TMEM132D: variants seen among roughly 807,000 people sequenced by gnomAD.
The protein encoded by TMEM132D is mature OL transmembrane protein.
A neutral mutation model predicts 62.3 loss-of-function variants in TMEM132D; 21 were observed. The ratio of observed to expected loss-of-function variants is 0.34; its 90% CI spans 0.24 to 0.49. The LOEUF is 0.49. Among genes scored for constraint, TMEM132D ranks in the 20% least tolerant of loss-of-function variants. The probability of loss-of-function intolerance (pLI) is 0.99; values close to 1 mark genes in which losing one functional copy is unlikely to be tolerated. For missense variants in TMEM132D, 1,346 were observed against 1,402.8 expected (o/e 0.96, Z 0.65); for synonymous variants, 621 against 575.6 (o/e 1.08, Z -1.13).
chr12:129,347,769 A>T (rs1869732738), intron 3 of TMEM132D, among the ~76,000 whole-genome samples: 1 of 152,252 alleles, frequency 6.6e-6, no homozygotes, highest in African/African-American at 2.4e-5. Flanking sequence ...TAGAGTGAAC[A>T]GGCAACCTAC....
At chr12:129,369,272 G>A (rs1020018353) in intron 3 of TMEM132D, among the ~76,000 whole-genome samples, 2 of 152,160 alleles carry the variant, frequency 1.3e-5, no homozygotes, top group Admixed American at 6.5e-5. Context: ...TGTCTTCCAC[G>A]ACAGAAGGTG....
intron 2 of TMEM132D, among the ~76,000 whole-genome samples, chr12:129,596,809 C>T (rs1878349892): frequency 1.3e-5 from 2 of 151,894 alleles, no homozygotes; most frequent in Non-Finnish European, 2.9e-5. Flanking sequence ...TACCCATCAC[C>T]CCATCCACCC....
At chr12:129,829,252 G>A (rs1205140157) in intron 1 of TMEM132D, among the ~76,000 whole-genome samples, 3 of 152,088 alleles carry the variant, frequency 2.0e-5, no homozygotes, top group South Asian at 2.1e-4. Flanking sequence ...AATAATCGTG[G>A]TTATTATAGA....
chr12:129,402,863 C>A (rs111885053), intron 3 of TMEM132D, among the ~76,000 whole-genome samples: 1,736 of 146,602 alleles, frequency 0.012, 11 homozygotes, highest in South Asian at 0.015. Flanking sequence ...CCATCTGCAG[C>A]AATGGAAGAG....
rs74684944 is a variant in TMEM132D at position 129,176,979 on chromosome 12, G to A, written c.1443+32541C>T. On this transcript the variant is annotated intron_variant, in intron 5 of 8. Coordinates refer to ENST00000422113, the MANE Select transcript of TMEM132D (RefSeq NM_133448.3). ...AACACAGCCAGGACTGCCCCCAGCC[G>A]TCTTGACCGCGCTTCAGGCTGAGAA... Among the ~76,000 whole-genome samples, 509 of 152,342 alleles carry A rather than the reference G, an allele frequency of 3.3e-3. 5 individuals are homozygous for A. Among genetic ancestry groups the A allele is most frequent in the Non-Finnish European group, 6.0e-3 (408 of 68,030 alleles).
chr12:129,743,222 A>C (rs755811096), intron 1 of TMEM132D, among the ~76,000 whole-genome samples: 1 of 152,206 alleles, frequency 6.6e-6, no homozygotes. Context: ...GGCAAATGGA[A>C]TAATACTTCC....
chr12:129,816,452 T>TA, intron 1 of TMEM132D, among the ~76,000 whole-genome samples: 1 of 152,184 alleles, frequency 6.6e-6, no homozygotes, highest in Non-Finnish European at 1.5e-5. Context: ...ACTCTGGGCC[T>TA]ATTTATTGCA....
At chr12:129,587,060 C>T (rs1205912408) in intron 2 of TMEM132D, among the ~76,000 whole-genome samples, 1 of 152,106 alleles carries the variant, frequency 6.6e-6, no homozygotes, top group African/African-American at 2.4e-5. Flanking sequence ...GTAAAAATAG[C>T]ATGTGCATAG....
intron 1 of TMEM132D, among the ~76,000 whole-genome samples, chr12:129,769,261 G>T (rs1870650703): frequency 6.6e-6 from 1 of 152,172 alleles, no homozygotes; most frequent in Non-Finnish European, 1.5e-5. Flanking sequence ...ACGACTCACA[G>T]TTCCACATGG....
In TMEM132D at chr12:129,760,323, C is replaced by CTTTTTTTTTTTTT. The variant is rs71082753; in HGVS notation, c.80-59638_80-59626dup. Among the ~76,000 whole-genome samples the CTTTTTTTTTTTTT allele has an allele frequency of 4.0e-4, 46 of 115,504 alleles. 2 individuals carry two copies. Among genetic ancestry groups the CTTTTTTTTTTTTT allele is most frequent in the African/African-American group, 1.6e-3 (43 of 27,670 alleles). 75.8% of individuals were successfully genotyped at this position (115,504 alleles called of 152,430 possible). On this transcript the variant is annotated intron_variant, in intron 1 of 8. Coordinates refer to ENST00000422113, the MANE Select transcript of TMEM132D (RefSeq NM_133448.3). ...AGACAGAAATGATGTAAGCCACTTT[C>CTTTTTTTTTTTTT]TTTTTTTTTTTTTTTTTTTTTTTTT...
intron 3 of TMEM132D, among the ~76,000 whole-genome samples, chr12:129,484,247 C>T (rs139981164): frequency 7.2e-4 from 109 of 152,222 alleles, no homozygotes; most frequent in Admixed American, 2.2e-3. Flanking sequence ...TGGGAGTCAA[C>T]GTGAGTCACC....
chr12:129,112,824 G>A (rs1409087859), intron 5 of TMEM132D, among the ~76,000 whole-genome samples: 1 of 152,132 alleles, frequency 6.6e-6, no homozygotes, highest in Non-Finnish European at 1.5e-5. Context: ...GGTGAACAGT[G>A]CTAGCTTAGA....
chr12:129,311,524 GC>G (rs1881976810), intron 4 of TMEM132D, among the ~76,000 whole-genome samples: 1 of 152,136 alleles, frequency 6.6e-6, no homozygotes, highest in Admixed American at 6.5e-5. Flanking sequence ...CAGTGGACAA[GC>G]TCCCTGTGTT....
At chr12:129,103,981 G>T (rs547376517) in intron 5 of TMEM132D, among the ~76,000 whole-genome samples, 3,179 of 152,166 alleles carry the variant, frequency 0.021, 112 homozygotes, top group African/African-American at 0.072. Context: ...GTAATTTACA[G>T]ATTCAATGCC....
chr12:129,699,951 T>G lies in TMEM132D; in HGVS notation c.827A>C (p.His276Pro), dbSNP rs1409108619. 6.2e-7 allele frequency: 1 copy of G among 1,614,122 alleles called. No homozygotes were observed. The highest frequency in any genetic ancestry group is 2.2e-5 in the East Asian group (1 of 44,872). ...RIGSIFLYQT[H>P]RKPSLRELRL... ...CAGTTCTCTCAGGGAGGGTTTCCTG[T>G]GTGTCTGATAAAGGAAGATGCTCCC... The change falls in exon 2 of 9, where the codon CAC (histidine) becomes CCC (proline). Residue 276 changes from histidine (H) to proline (P), a missense_variant. Transcript: ENST00000422113.
chr12:129,166,688 T>TACACAC (rs199938469), intron 5 of TMEM132D, among the ~76,000 whole-genome samples: 6 of 104,654 alleles, frequency 5.7e-5, no homozygotes, highest in East Asian at 3.8e-4. Flanking sequence ...TATATACACA[T>TACACAC]ACACACACAC....
chr12:129,673,852 T>C (rs967698617), intron 2 of TMEM132D, among the ~76,000 whole-genome samples: 3 of 152,106 alleles, frequency 2.0e-5, no homozygotes, highest in Non-Finnish European at 4.4e-5. Flanking sequence ...GCCATTTAAT[T>C]CTATAAAATG....
At chr12:129,385,262 T>G (rs1288243712) in intron 3 of TMEM132D, among the ~76,000 whole-genome samples, 1 of 151,732 alleles carries the variant, frequency 6.6e-6, no homozygotes, top group African/African-American at 2.4e-5. Flanking sequence ...CGTGCCACCA[T>G]GCCCAGCTAA....
chr12:129,346,440 G>A (rs555329980), intron 3 of TMEM132D, among the ~76,000 whole-genome samples: 1 of 152,118 alleles, frequency 6.6e-6, no homozygotes. Context: ...GTCGCCTTCA[G>A]TTCTGCTTTG....
Sources: allele counts gnomAD v4.1 joint callset (sites outside exome capture counted in the v4.1 genomes callset), GRCh38; gene constraint gnomAD v4.1.1; transcripts MANE v1.5; gene names NCBI Gene and HGNC (gene_info 2026-07-23, HGNC 2026-07-21).